Variants in STK32B observed in about 807,000 individuals in gnomAD.
The protein encoded by STK32B is serine/threonine kinase 32B.
Under a neutral mutation model 52.6 loss-of-function variants are expected in STK32B, and 43 were observed. The observed-to-expected ratio is 0.82, with a 90% CI of 0.64 to 1.05. STK32B has a LOEUF of 1.05. Among genes scored for constraint, STK32B ranks in the 50% least tolerant of loss-of-function variants. STK32B has a pLI of 0.00. For missense variants in STK32B, 621 were observed against 534.6 expected (o/e 1.16, Z -1.59); for synonymous variants, 238 against 204.3 (o/e 1.17, Z -1.41).
At chr4:5,355,855 T>C (rs1452967075) in intron 4 of STK32B, among the ~76,000 whole-genome samples, 1 of 152,126 alleles carries the variant, frequency 6.6e-6, no homozygotes, top group East Asian at 1.9e-4. Flanking sequence ...TACAGAAACC[T>C]CAAGCACCAC....
At chr4:5,229,934 C>A (rs554002466) in intron 3 of STK32B, among the ~76,000 whole-genome samples, 1 of 152,004 alleles carries the variant, frequency 6.6e-6, no homozygotes, top group Admixed American at 6.6e-5. Flanking sequence ...GTTCTGAGAA[C>A]AATCTGAGAT....
chr4:5,294,650 T>G (rs1000373477), intron 3 of STK32B, among the ~76,000 whole-genome samples: 25 of 152,220 alleles, frequency 1.6e-4, no homozygotes, highest in Admixed American at 3.3e-4. Context: ...TGAAGTTGCT[T>G]ATCAGCTCAA....
chr4:5,108,211 A>AT, intron 1 of STK32B, among the ~76,000 whole-genome samples: 1 of 152,256 alleles, frequency 6.6e-6, no homozygotes, highest in South Asian at 2.1e-4. Context: ...GTTGTAAATT[A>AT]TTTTTGCTGC....
intron 3 of STK32B, among the ~76,000 whole-genome samples, chr4:5,316,266 A>G (rs1419791396): frequency 1.3e-5 from 1 of 74,752 alleles, no homozygotes; most frequent in Non-Finnish European, 2.1e-5. Flanking sequence ...TATATTATAT[A>G]GTATATATAA....
chr4:5,438,724 G>T (rs1432793112), intron 6 of STK32B, among the ~76,000 whole-genome samples: 3 of 152,176 alleles, frequency 2.0e-5, no homozygotes, highest in Admixed American at 2.0e-4. Flanking sequence ...CTAGCATTGG[G>T]TATATCTCCC....
intron 1 of STK32B, among the ~76,000 whole-genome samples, chr4:5,062,883 C>G (rs1433733154): frequency 6.6e-6 from 1 of 152,132 alleles, no homozygotes; most frequent in East Asian, 1.9e-4. Context: ...TGTTTTCACT[C>G]AAGATTACAC....
chr4:5,078,069 C>T (rs563374256), intron 1 of STK32B, among the ~76,000 whole-genome samples: 6 of 152,232 alleles, frequency 3.9e-5, no homozygotes, highest in Admixed American at 6.5e-5. Context: ...GCCACAGCTC[C>T]CACAAATCCC....
chr4:5,123,804 G>T (rs1288224925), intron 1 of STK32B, among the ~76,000 whole-genome samples: 1 of 151,636 alleles, frequency 6.6e-6, no homozygotes, highest in Non-Finnish European at 1.5e-5. Context: ...TTCAGCACAT[G>T]AGTTTTGGGG....
chr4:5,466,102 A>G lies in STK32B; in HGVS notation c.910-601A>G, dbSNP rs181348560. Reference sequence around the variant, plus strand: ...CACCTGGGGCCATCATCTGGGCTACAGCTGAGGAATGAAAGTGGCTACCAG... The same window carrying G: ...CACCTGGGGCCATCATCTGGGCTACGGCTGAGGAATGAAAGTGGCTACCAG... On this transcript the variant is annotated intron_variant, in intron 9 of 11. Transcript: ENST00000282908. Among the ~76,000 whole-genome samples, 667 of 152,256 alleles carry G rather than the reference A, an allele frequency of 4.4e-3. 6 individuals are homozygous for G. The highest frequency in any genetic ancestry group is 0.015 in the African/African-American group (638 of 41,564).
intron 4 of STK32B, among the ~76,000 whole-genome samples, chr4:5,371,002 ATATATATATGTATATATATGTG>A (rs1213026945): frequency 6.8e-5 from 8 of 118,440 alleles, no homozygotes; most frequent in East Asian, 4.6e-4. Flanking sequence ...GTGTGTATAT[ATATATATATGTATATATATGTG>A]TATATATATG....
chr4:5,176,588 C>T (rs75487077), intron 3 of STK32B, among the ~76,000 whole-genome samples: 30,083 of 151,830 alleles, frequency 0.2, 3,620 homozygotes, highest in East Asian at 0.32. Context: ...GGATTACAAG[C>T]GCCTGCCACC....
intron 6 of STK32B, among the ~76,000 whole-genome samples, chr4:5,420,412 A>G (rs1712526912): frequency 6.6e-6 from 1 of 152,142 alleles, no homozygotes; most frequent in African/African-American, 2.4e-5. Flanking sequence ...TTGAGATTCA[A>G]GAGAGATCAA....
intron 7 of STK32B, among the ~76,000 whole-genome samples, chr4:5,450,831 C>T (rs1715921837): frequency 6.6e-6 from 1 of 152,184 alleles, no homozygotes; most frequent in South Asian, 2.1e-4. Context: ...GCTGGAAAGC[C>T]TGTGTCCTTC....
chr4:5,082,073 T>C (rs1161124029), intron 1 of STK32B, among the ~76,000 whole-genome samples: 2 of 152,210 alleles, frequency 1.3e-5, no homozygotes, highest in Non-Finnish European at 2.9e-5. Context: ...GCTAGGATTT[T>C]TTAGGCTTTC....
intron 2 of STK32B, among the ~76,000 whole-genome samples, chr4:5,156,002 C>T (rs1372019215): frequency 6.6e-6 from 1 of 151,534 alleles, no homozygotes; most frequent in East Asian, 1.9e-4. Flanking sequence ...ATATATATAC[C>T]CACTAAACAG....
chr4:5,417,071 G>A (rs1414473323), intron 6 of STK32B, 137 bp downstream of exon 6: 2 of 720,990 alleles, frequency 2.8e-6, no homozygotes, highest in East Asian at 2.8e-5. Flanking sequence ...GTTCCCAGTA[G>A]ATACAATGCT....
intron 3 of STK32B, among the ~76,000 whole-genome samples, chr4:5,214,778 T>TTTTTCCTTAACATTTCA (rs1723092564): frequency 6.6e-6 from 1 of 152,250 alleles, no homozygotes; most frequent in Non-Finnish European, 1.5e-5. Flanking sequence ...TGAATTTTCA[T>TTTTTCCTTAACATTTCA]TTTTCCTTAA....
the STK32B span, among the ~76,000 whole-genome samples, chr4:5,020,584 G>A: frequency 1.1e-4 from 17 of 152,316 alleles, no homozygotes; most frequent in South Asian, 3.5e-3. Context: ...AAAGCTGGAG[G>A]CACATGGGTT....
intron 3 of STK32B, among the ~76,000 whole-genome samples, chr4:5,208,263 C>G (rs930202238): frequency 4.6e-5 from 7 of 152,144 alleles, no homozygotes; most frequent in Admixed American, 4.6e-4. Flanking sequence ...ATGGCTTCCT[C>G]CAGCCACAGG....
Sources: gnomAD v4.1 joint callset for allele counts (sites outside exome capture counted in the v4.1 genomes callset) on GRCh38, gnomAD v4.1.1 for gene constraint, MANE v1.5 for transcripts, NCBI Gene and HGNC (gene_info 2026-07-23, HGNC 2026-07-21) for gene names.